The following DHX37 variants were observed in gnomAD, a reference collection of about 807,000 sequenced individuals.
DHX37 encodes DEAH-box helicase 37.
A neutral mutation model predicts 134.3 loss-of-function variants in DHX37; 52 were observed. That is an observed-to-expected ratio of 0.39 (90% confidence interval 0.31 to 0.49). The LOEUF (loss-of-function observed/expected upper bound fraction) is 0.49, where lower values mean the gene tolerates loss of function less well. Among genes scored for constraint, DHX37 ranks in the 20% least tolerant of loss-of-function variants. The pLI is 0.93. For missense variants in DHX37, 1,344 were observed against 1,580.8 expected, an observed-to-expected ratio of 0.85 and a Z score of 2.54; for synonymous variants, 634 against 670.7, an observed-to-expected ratio of 0.95 and a Z score of 0.85.
At position 124,971,429 on chromosome 12, in the gene DHX37, C is replaced by A; in HGVS notation, c.1078-14G>T. 1 of 1,611,492 alleles carries A rather than the reference C, an allele frequency of 6.2e-7. No homozygotes were observed. ...CAGCAGGAAGTCCTGGGGGGAGGTC[C>A]GGGGTGAGGCCCACCCTTCCAGCCT... On this transcript the variant is annotated splice_polypyrimidine_tract_variant and intron_variant, in intron 7 of 26. Transcript: ENST00000308736.
In DHX37 at chr12:124,952,407, G is replaced by A. The variant is rs775956694; in HGVS notation, c.2859C>T (p.Asn953=). ...SEEMLEDKWR[N]AYKTPLLDDP... is the part of the protein sequence containing the mutation. Reference sequence around the variant, plus strand: ...GCGGTGGGGGCCGCACCTTGTAGGCGTTCCTCCACTTGTCCTCCAGCATCT... The same window carrying A: ...GCGGTGGGGGCCGCACCTTGTAGGCATTCCTCCACTTGTCCTCCAGCATCT... The change falls in exon 21 of 27, where the codon AAC becomes AAT. Residue 953 remains asparagine, a synonymous_variant. Transcript: ENST00000308736. 1.1e-5 allele frequency: 18 copies of A among 1,608,756 alleles called. No individual in the cohort carries two copies. The highest frequency in any genetic ancestry group is 4.0e-5 in the African/African-American group (3 of 74,860).
In DHX37 at chr12:124,965,823, C is replaced by T; in HGVS notation, c.1591-11G>A. The T allele has an allele frequency of 1.2e-6, 2 of 1,612,160 alleles. No individual in the cohort carries two copies. The highest frequency in any genetic ancestry group is 1.7e-6 in the Non-Finnish European group (2 of 1,178,950). On this transcript the variant is annotated splice_polypyrimidine_tract_variant and intron_variant, in intron 12 of 26. Transcript: ENST00000308736. ...GATCTGGGGCAGCACCTACGGCGAA[C>T]AAGACATAGACACCTGGGCTGCAGG...
In DHX37 at chr12:124,960,877, C is replaced by T. The variant is rs541639200; in HGVS notation, c.2046-454G>A. 7.7e-4 allele frequency among the ~76,000 whole-genome samples: 118 copies of T among 152,326 alleles called. 1 individual carries two copies. Among genetic ancestry groups the T allele is most frequent in the African/African-American group, 2.8e-3 (116 of 41,578 alleles). On this transcript the variant is annotated intron_variant, in intron 15 of 26. Transcript: ENST00000308736. Reference sequence around the variant, plus strand: ...GGCTGAGGCAGGAGAATCACTTGAACCCAGGAGGCAAAGGTTGGGGTGAGC... The same window carrying T: ...GGCTGAGGCAGGAGAATCACTTGAATCCAGGAGGCAAAGGTTGGGGTGAGC...
intron 8 of DHX37, among the ~76,000 whole-genome samples, chr12:124,970,636 C>T (rs533277399): frequency 4.9e-4 from 74 of 152,326 alleles, no homozygotes; most frequent in African/African-American, 1.7e-3. Context: ...GGCTCACATA[C>T]TCTGAGTCTG....
chr12:124,971,006 C>T (rs766992256), intron 8 of DHX37, among the ~76,000 whole-genome samples: 2 of 152,232 alleles, frequency 1.3e-5, no homozygotes, highest in African/African-American at 2.4e-5. Flanking sequence ...AGCCCCATTG[C>T]GCCTGGCAAG....
In DHX37 at chr12:124,965,595, C is replaced by T. The variant is rs1954367591; in HGVS notation, c.1735+73G>A. 4.8e-6 allele frequency: 7 copies of T among 1,469,966 alleles called. No homozygotes were observed. The South Asian group carries it at 6.1e-5, about 13-fold the overall frequency. The allele number at this position is 1,469,966 out of a possible 1,614,324, so 91.1% of individuals were successfully genotyped here. A position where few individuals can be genotyped will look rare whatever the true frequency, so the allele number is the denominator to read the frequency against. ...TGCTAGAACCCCGGCCCCCGGGGGG[C>T]CCACAAGGGCTCTGGGCACATCCTC... On this transcript the variant is annotated intron_variant, in intron 13 of 26. Coordinates refer to ENST00000308736, the MANE Select transcript of DHX37 (RefSeq NM_032656.4).
At chr12:124,981,482 C>T (rs1403038719) in intron 3 of DHX37, among the ~76,000 whole-genome samples, 2 of 152,152 alleles carry the variant, frequency 1.3e-5, no homozygotes, top group Non-Finnish European at 2.9e-5. Flanking sequence ...TCGCCCAGGA[C>T]GGAGTGCAGT....
In DHX37 at chr12:124,964,974, C is replaced by G; in HGVS notation, c.1768G>C (p.Val590Leu). The G allele has an allele frequency of 6.3e-7, 1 of 1,599,508 alleles. No homozygotes were observed. The highest frequency in any genetic ancestry group is 8.5e-7 in the Non-Finnish European group (1 of 1,174,708). ...GCCAGCAGAGAGTACAGCGGGAGCACGTGGAGCGGGAGGGAGGCATCCGGC... is the reference window on the plus strand; with the variant it reads ...GCCAGCAGAGAGTACAGCGGGAGCAGGTGGAGCGGGAGGGAGGCATCCGGC... ...EQPDASLPLH[V>L]LPLYSLLAPE... Residue 590 changes from valine to leucine, a missense_variant, in exon 14 of 27, where the codon GTG becomes CTG. Physicochemically the swap from Val to Leu is conservative, Grantham distance 32. Coordinates refer to ENST00000308736, the MANE Select transcript of DHX37 (RefSeq NM_032656.4).
rs371875679 is a variant in DHX37 at position 124,988,935 on chromosome 12, C to T, written c.88G>A (p.Val30Met). ...PSKGPPEPPP[V>M]QLELEDKDTL... is the part of the protein sequence containing the mutation. The stretch of plus-strand genomic sequence containing the variant: ...GTCTTACCCTCCAGTTCCAGCTGCA[C>T]GGGGGGCGGCTCGGGGGGGCCCTTC... Residue 30 changes from valine (V) to methionine (M), a missense_variant, in exon 1 of 27, where the codon GTG (valine) becomes ATG (methionine). Coordinates refer to ENST00000308736, the MANE Select transcript of DHX37 (RefSeq NM_032656.4). The T allele has an allele frequency of 2.2e-6, 3 of 1,335,094 alleles. No individual in the cohort carries two copies. The highest frequency in any genetic ancestry group is 2.9e-6 in the Non-Finnish European group (3 of 1,033,208). 82.7% of individuals were successfully genotyped at this position (1,335,094 alleles called of 1,614,324 possible). A position where few individuals can be genotyped will look rare whatever the true frequency, so the allele number is the denominator to read the frequency against.
intron 6 of DHX37, 97 bp downstream of exon 6, chr12:124,975,322 T>C: frequency 7.8e-7 from 1 of 1,278,188 alleles, no homozygotes; most frequent in Non-Finnish European, 1.1e-6. Context: ...CCCAGCACCC[T>C]CGGCACAGAT....
intron 8 of DHX37, 104 bp from the exon 9 acceptor site, chr12:124,969,072 C>A: frequency 2.7e-6 from 3 of 1,111,578 alleles, no homozygotes; most frequent in Non-Finnish European, 3.9e-6. Flanking sequence ...CGTTTCCAGC[C>A]CCCACCCTCT....
chr12:124,956,850 C>G lies in DHX37; in HGVS notation c.2294G>C (p.Ser765Thr), dbSNP rs781779754. Residue 765 changes from serine (S) to threonine (T), a missense_variant, in exon 18 of 27, where the codon AGC (serine) becomes ACC (threonine). Physicochemically the swap from Ser to Thr is moderately conservative, Grantham distance 58. Around this residue, in one of 7 missense-constraint regions of DHX37, gnomAD observed 558 missense variants for 650.0 expected, o/e 0.86. Transcript: ENST00000308736. ...RVKQLQENRL[S>T]CPITALGRTM... ...CCGGCCCAGCGCAGTGATGGGGCAG[C>G]TCAGCCGGTTCTCCTGCAGTTGCTT... 1 of 1,600,644 alleles carries G rather than the reference C, an allele frequency of 6.2e-7. No homozygotes were observed. Among genetic ancestry groups the G allele is most frequent in the South Asian group, 1.1e-5 (1 of 90,322 alleles).
At chr12:124,963,256 C>T (rs1954304402) in intron 15 of DHX37, among the ~76,000 whole-genome samples, 3 of 152,190 alleles carry the variant, frequency 2.0e-5, no homozygotes, top group African/African-American at 7.2e-5. Context: ...CACGAGGGGC[C>T]ACACCTTGTA....
chr12:124,976,331 C>T (rs970318682), intron 5 of DHX37, among the ~76,000 whole-genome samples: 49 of 152,230 alleles, frequency 3.2e-4, no homozygotes, highest in Admixed American at 3.1e-3. Flanking sequence ...TCCTGGGAGT[C>T]CCCGGTCAAT....
At chr12:124,965,521 T>A (rs1954365231) in intron 13 of DHX37, 147 bp downstream of exon 13, 2 of 1,332,338 alleles carry the variant, frequency 1.5e-6, no homozygotes, top group Non-Finnish European at 2.0e-6. Context: ...GTTTGAGGCC[T>A]CCTCGTGCCA....
At chr12:124,952,799 G>C (rs890663551) in intron 20 of DHX37, 2 of 375,438 alleles carry the variant, frequency 5.3e-6, no homozygotes, top group Non-Finnish European at 9.4e-6. Context: ...ATCCTGCCTG[G>C]GCAGCAGAGC....
intron 6 of DHX37, among the ~76,000 whole-genome samples, chr12:124,974,885 T>C (rs902810411): frequency 4.6e-5 from 7 of 152,062 alleles, no homozygotes; most frequent in Non-Finnish European, 7.4e-5. Flanking sequence ...CAAGTGATTC[T>C]CCTGCCTTAA....
intron 15 of DHX37, among the ~76,000 whole-genome samples, chr12:124,963,025 G>A (rs1161031612): frequency 2.6e-5 from 4 of 152,150 alleles, no homozygotes; most frequent in East Asian, 1.9e-4. Flanking sequence ...CAATGAAACC[G>A]GAGCCAGACA....
At position 124,954,006 on chromosome 12, in the gene DHX37, G is replaced by C; in HGVS notation, c.2579-10C>G. 6.2e-7 allele frequency: 1 copy of C among 1,613,624 alleles called. No individual in the cohort carries two copies. The highest frequency in any genetic ancestry group is 8.5e-7 in the Non-Finnish European group (1 of 1,179,968). On this transcript the variant is annotated splice_polypyrimidine_tract_variant and intron_variant, in intron 19 of 26. Coordinates refer to ENST00000308736, the MANE Select transcript of DHX37 (RefSeq NM_032656.4). ...CAGGCTCCCACGGCGCCTGGGGAAC[G>C]AAGAGGGGGCATGCTCTCTCTCTGA...
Sources: allele counts gnomAD v4.1 joint callset (sites outside exome capture counted in the v4.1 genomes callset), GRCh38; gene constraint gnomAD v4.1.1; regional missense constraint gnomAD v4.1.1; transcripts MANE v1.5; gene names NCBI Gene and HGNC (gene_info 2026-07-23, HGNC 2026-07-21).